Variants in ZNF469 observed in about 807,000 individuals in gnomAD.
The protein encoded by ZNF469 is zinc finger protein 469.
Under a neutral mutation model 1.0 loss-of-function variants are expected in ZNF469, and 1 was observed. The ratio of observed to expected loss-of-function variants is 1.00; its 90% CI spans 0.35 to 4.73. ZNF469 has a LOEUF of 4.73. ZNF469 is among the 30% of genes most tolerant of loss of function. The probability of loss-of-function intolerance (pLI) is 0.16; values close to 1 mark genes in which losing one functional copy is unlikely to be tolerated. For missense variants in ZNF469, 6,100 were observed against 5,356.3 expected (o/e 1.14, Z -4.33); for synonymous variants, 2,703 against 2,363.4 (o/e 1.14, Z -4.17).
chr16:88,238,708 T>A, the ZNF469 span, among the ~76,000 whole-genome samples: 5 of 152,166 alleles, frequency 3.3e-5, no homozygotes, highest in African/African-American at 1.2e-4. Flanking sequence ...CTTAAAACCA[T>A]GGAGATCCCA....
chr16:88,269,529 C>T, the ZNF469 span, among the ~76,000 whole-genome samples: 68 of 152,244 alleles, frequency 4.5e-4, no homozygotes, highest in Non-Finnish European at 9.0e-4. Flanking sequence ...TACTATGTGA[C>T]TTTCCAAACA....
the ZNF469 span, among the ~76,000 whole-genome samples, chr16:88,226,800 C>A: frequency 1.3e-5 from 2 of 150,006 alleles, no homozygotes; most frequent in African/African-American, 4.9e-5. Context: ...GTGGTTTCAC[C>A]GTCTTATTTG....
chr16:88,125,546 C>G, the ZNF469 span, among the ~76,000 whole-genome samples: 4 of 152,182 alleles, frequency 2.6e-5, no homozygotes, highest in Non-Finnish European at 5.9e-5. Context: ...TTAACTCTAT[C>G]GAGTAATCCA....
the ZNF469 span, among the ~76,000 whole-genome samples, chr16:88,260,307 G>T: frequency 6.6e-6 from 1 of 152,222 alleles, no homozygotes; most frequent in Non-Finnish European, 1.5e-5. The surrounding 1 kb of genome is among the most constrained non-coding windows in gnomAD (Gnocchi z 4.1). Flanking sequence ...GCTTTAAAAA[G>T]CATTCGGCTG....
At chr16:88,407,301 C>T (rs1296434545) in intron 1 of ZNF469, among the ~76,000 whole-genome samples, 1 of 112,792 alleles carries the variant, frequency 8.9e-6, no homozygotes, top group Non-Finnish European at 2.0e-5. Flanking sequence ...GTCGCCAGCA[C>T]CTGCGTGCAG....
chr16:88,345,213 G>A, the ZNF469 span, among the ~76,000 whole-genome samples: 1 of 152,172 alleles, frequency 6.6e-6, no homozygotes, highest in African/African-American at 2.4e-5. Context: ...CCTTGCTCTT[G>A]AGTCCAAAAG....
At chr16:88,279,173 AGTGCACGG>A in the ZNF469 span, among the ~76,000 whole-genome samples, 2,085 of 126,406 alleles carry the variant, frequency 0.016, 29 homozygotes, top group East Asian at 0.025. Context: ...TGTAGATATC[AGTGCACGG>A]TTAGTGCTGC....
the ZNF469 span, among the ~76,000 whole-genome samples, chr16:88,376,633 G>A: frequency 2.4e-4 from 37 of 152,372 alleles, no homozygotes; most frequent in Non-Finnish European, 4.7e-4. Flanking sequence ...GAAGGTCTGC[G>A]AGGGCTGAGT....
At chr16:88,342,615 G>A in the ZNF469 span, among the ~76,000 whole-genome samples, 10 of 152,318 alleles carry the variant, frequency 6.6e-5, no homozygotes, top group South Asian at 2.1e-4. Flanking sequence ...GCCAGGGCCC[G>A]TCATGCAGAG....
chr16:88,128,474 A>G, the ZNF469 span, among the ~76,000 whole-genome samples: 1 of 152,216 alleles, frequency 6.6e-6, no homozygotes. Context: ...TCGATCCTCC[A>G]TGAAGTGGCA....
chr16:88,392,545 C>T (rs1904521935), intron 1 of ZNF469, among the ~76,000 whole-genome samples: 1 of 152,272 alleles, frequency 6.6e-6, no homozygotes, highest in Non-Finnish European at 1.5e-5. Flanking sequence ...TTAAGCCACA[C>T]ATTCCCAGCT....
chr16:88,352,943 G>A, the ZNF469 span, among the ~76,000 whole-genome samples: 1 of 152,284 alleles, frequency 6.6e-6, no homozygotes, highest in East Asian at 1.9e-4. Context: ...GGGGCAGAGA[G>A]CCAGGCCCAG....
At chr16:88,283,365 G>C in the ZNF469 span, among the ~76,000 whole-genome samples, 94 of 152,086 alleles carry the variant, frequency 6.2e-4, no homozygotes, top group African/African-American at 1.3e-3. Flanking sequence ...AAGTGTGTTG[G>C]GGAGGTGTGT....
the ZNF469 span, among the ~76,000 whole-genome samples, chr16:88,331,814 A>G: frequency 1.3e-5 from 2 of 151,950 alleles, no homozygotes; most frequent in African/African-American, 4.8e-5. Flanking sequence ...TCTCATCACC[A>G]CCATCACTAT....
the ZNF469 span, among the ~76,000 whole-genome samples, chr16:88,274,769 A>G: frequency 4.6e-5 from 7 of 152,232 alleles, no homozygotes; most frequent in Non-Finnish European, 8.8e-5. Context: ...CTTTCACCGT[A>G]GCTTCATGGA....
At chr16:88,374,409 C>G in the ZNF469 span, among the ~76,000 whole-genome samples, 7 of 152,306 alleles carry the variant, frequency 4.6e-5, no homozygotes, top group South Asian at 1.4e-3. Context: ...TAGGGAGCAG[C>G]AGCTCAGGGT....
the ZNF469 span, among the ~76,000 whole-genome samples, chr16:88,358,324 A>C: frequency 6.6e-6 from 1 of 152,076 alleles, no homozygotes; most frequent in Non-Finnish European, 1.5e-5. Context: ...TGGTCTTCCC[A>C]CCCGGCCTCC....
chr16:88,195,455 G>A, the ZNF469 span, among the ~76,000 whole-genome samples: 2 of 152,198 alleles, frequency 1.3e-5, no homozygotes, highest in Non-Finnish European at 2.9e-5. Flanking sequence ...GGGTGAGGGA[G>A]GATTTTCTGG....
At chr16:88,415,968 C>T (rs1365146566) in intron 1 of ZNF469, among the ~76,000 whole-genome samples, 1 of 152,212 alleles carries the variant, frequency 6.6e-6, no homozygotes, top group East Asian at 1.9e-4. Flanking sequence ...GTGCGGACAC[C>T]CCATCCCCAC....
Sources: allele counts gnomAD v4.1 joint callset (sites outside exome capture counted in the v4.1 genomes callset), GRCh38; gene constraint gnomAD v4.1.1; non-coding constraint Gnocchi (gnomAD v3.1); transcripts MANE v1.5; gene names NCBI Gene and HGNC (gene_info 2026-07-23, HGNC 2026-07-21).